VPS13B: variants seen among roughly 807,000 people sequenced by gnomAD.
VPS13B encodes intermembrane lipid transfer protein VPS13B.
A neutral mutation model predicts 426.4 loss-of-function variants in VPS13B; 285 were observed. The observed-to-expected ratio is 0.67, with a 90% CI of 0.61 to 0.74. The LOEUF (loss-of-function observed/expected upper bound fraction) is 0.74. VPS13B is among the 30% of genes least tolerant of loss of function. The probability of loss-of-function intolerance (pLI) is 0.00; values close to 1 mark genes in which losing one functional copy is unlikely to be tolerated. For missense variants in VPS13B, 4,537 were observed against 4,782.6 expected, an observed-to-expected ratio of 0.95 and a Z score of 1.51; for synonymous variants, 1,676 against 1,676.4, an observed-to-expected ratio of 1.00 and a Z score of 0.01.
chr8:99,819,702 A>G, intron 48 of VPS13B, 120 bp downstream of exon 48: 1 of 1,263,364 alleles, frequency 7.9e-7, no homozygotes, highest in East Asian at 2.5e-5. Context: ...CTTACCTTTT[A>G]TCATCTAGTA....
At chr8:99,240,292 G>A (rs1017621638) in intron 17 of VPS13B, among the ~76,000 whole-genome samples, 1 of 152,152 alleles carries the variant, frequency 6.6e-6, no homozygotes, top group African/African-American at 2.4e-5. Flanking sequence ...GCAGCTTTTA[G>A]ATGATTGTAC....
At chr8:99,764,867 G>A (rs1275643344) in intron 39 of VPS13B, among the ~76,000 whole-genome samples, 2 of 152,044 alleles carry the variant, frequency 1.3e-5, no homozygotes, top group South Asian at 2.1e-4. Context: ...ACACACATAT[G>A]TATATACATA....
chr8:99,598,835 A>G (rs187160485), intron 33 of VPS13B, among the ~76,000 whole-genome samples: 41 of 151,970 alleles, frequency 2.7e-4, no homozygotes, highest in Admixed American at 2.4e-3. Context: ...TAACCTGTCC[A>G]TGAATGTTTG....
chr8:99,571,408 C>T (rs1825466854), intron 31 of VPS13B, among the ~76,000 whole-genome samples: 1 of 151,638 alleles, frequency 6.6e-6, no homozygotes, highest in South Asian at 2.1e-4. Context: ...AAATATTTAC[C>T]AGAGATATCA....
Position 99,853,850 on chromosome 8 carries a change from C to T in VPS13B, c.10461C>T (p.Gly3487=). The T allele has an allele frequency of 6.2e-7, 1 of 1,614,244 alleles. No homozygotes were observed. Among genetic ancestry groups the T allele is most frequent in the Non-Finnish European group, 8.5e-7 (1 of 1,180,036 alleles). The change falls in exon 56 of 62, where the codon GGC becomes GGT. Residue 3487 remains glycine (G), a synonymous_variant. Coordinates refer to ENST00000357162, the MANE Select transcript of VPS13B (RefSeq NM_152564.5). ...AACTTTGCATCACCTTAAATGAAGG[C>T]AAGAGCATCCTCTGTGATATTAATG... is the stretch of plus-strand genomic sequence containing the variant. ...FIKLCITLNE[G]KSILCDINEF... is the part of the protein sequence containing the mutation.
intron 30 of VPS13B, among the ~76,000 whole-genome samples, chr8:99,547,472 T>C (rs1424148662): frequency 6.6e-6 from 1 of 152,084 alleles, no homozygotes; most frequent in Non-Finnish European, 1.5e-5. Context: ...TGGATCTCAA[T>C]TGAGCTATAA....
chr8:99,665,300 T>A (rs571513048), intron 35 of VPS13B, among the ~76,000 whole-genome samples: 6 of 152,314 alleles, frequency 3.9e-5, no homozygotes, highest in African/African-American at 1.2e-4. Flanking sequence ...TTTCTTTTGT[T>A]GTGCAGAAGC....
Position 99,224,508 on chromosome 8 carries a change from G to T in VPS13B, c.2515+31451G>T, listed in dbSNP as rs1226243907. On this transcript the variant is annotated intron_variant, in intron 17 of 61. Coordinates refer to ENST00000357162, the MANE Select transcript of VPS13B (RefSeq NM_152564.5). The stretch of plus-strand genomic sequence containing the variant: ...TTAGAAAATTAGGATTGAATAATGG[G>T]TTTATTTTTCATTACATTATTAATC... 2.0e-5 allele frequency among the ~76,000 whole-genome samples: 3 copies of T among 152,064 alleles called. No homozygotes were observed. The East Asian group carries it at 5.8e-4, about 29-fold the overall frequency.
At chr8:99,430,671 C>G (rs939699225) in intron 21 of VPS13B, among the ~76,000 whole-genome samples, 5 of 151,440 alleles carry the variant, frequency 3.3e-5, no homozygotes, top group Admixed American at 3.3e-4. Flanking sequence ...TTTATGTAAT[C>G]ACATACCTCT....
At chr8:99,625,356 C>T (rs1464391860) in intron 33 of VPS13B, among the ~76,000 whole-genome samples, 1 of 152,044 alleles carries the variant, frequency 6.6e-6, no homozygotes, top group African/African-American at 2.4e-5. Context: ...TTTACTTAAC[C>T]TCAAACTCTT....
intron 19 of VPS13B, among the ~76,000 whole-genome samples, chr8:99,305,897 C>CTATT (rs1563657943): frequency 6.6e-6 from 1 of 152,096 alleles, no homozygotes; most frequent in Non-Finnish European, 1.5e-5. Flanking sequence ...TTGGTGTTAA[C>CTATT]TATTTGGTCT....
At chr8:99,303,752 G>C in intron 19 of VPS13B, among the ~76,000 whole-genome samples, 1 of 52,158 alleles carries the variant, frequency 1.9e-5, no homozygotes, top group South Asian at 8.0e-4. Flanking sequence ...AAAAAAAAAA[G>C]AATATATGTT....
intron 3 of VPS13B, among the ~76,000 whole-genome samples, chr8:99,093,430 C>T (rs1020261995): frequency 6.6e-6 from 1 of 151,500 alleles, no homozygotes; most frequent in African/African-American, 2.4e-5. Flanking sequence ...GCACAATGTG[C>T]AGTTTAGTTA....
chr8:99,281,519 T>C (rs1252144014), intron 19 of VPS13B, among the ~76,000 whole-genome samples: 1 of 152,136 alleles, frequency 6.6e-6, no homozygotes, highest in African/African-American at 2.4e-5. Flanking sequence ...TAACTTCGGG[T>C]TCATCTCCTG....
intron 30 of VPS13B, among the ~76,000 whole-genome samples, chr8:99,523,122 G>A (rs1372968933): frequency 6.6e-6 from 1 of 152,136 alleles, no homozygotes; most frequent in Non-Finnish European, 1.5e-5. Flanking sequence ...TGGTTGCCAG[G>A]GCCTGCTTGT....
chr8:99,138,887 G>A (rs1810232480), intron 12 of VPS13B, among the ~76,000 whole-genome samples: 1 of 152,146 alleles, frequency 6.6e-6, no homozygotes, highest in Non-Finnish European at 1.5e-5. Context: ...TTTAAGCAAA[G>A]GAAACCTAGC....
intron 44 of VPS13B, among the ~76,000 whole-genome samples, chr8:99,816,486 A>T (rs1814048129): frequency 1.3e-5 from 2 of 152,154 alleles, no homozygotes; most frequent in Non-Finnish European, 2.9e-5. Context: ...TTAGTGGATA[A>T]ATCTGTGTGT....
intron 61 of VPS13B, among the ~76,000 whole-genome samples, chr8:99,872,877 C>G (rs1362970582): frequency 6.6e-6 from 1 of 152,204 alleles, no homozygotes; most frequent in African/African-American, 2.4e-5. Flanking sequence ...CAGCCAACCA[C>G]AACAACTCTT....
chr8:99,709,443 A>T (rs1314196712), intron 36 of VPS13B, among the ~76,000 whole-genome samples: 1 of 152,212 alleles, frequency 6.6e-6, no homozygotes, highest in African/African-American at 2.4e-5. Flanking sequence ...TTTAGAAGTC[A>T]TGAAACTATT....
Sources: gnomAD v4.1 joint callset for allele counts (sites outside exome capture counted in the v4.1 genomes callset) on GRCh38, gnomAD v4.1.1 for gene constraint, MANE v1.5 for transcripts, NCBI Gene and HGNC (gene_info 2026-07-23, HGNC 2026-07-21) for gene names.